FER: variants seen among roughly 807,000 people sequenced by gnomAD.
FER encodes tyrosine-protein kinase Fer.
In FER, 63 loss-of-function variants were observed where a neutral mutation model predicts 111.0. That is an observed-to-expected ratio of 0.57 (90% CI 0.46 to 0.70). The LOEUF (loss-of-function observed/expected upper bound fraction) is 0.70, where lower values mean the gene tolerates loss of function less well. Among genes scored for constraint, FER ranks in the 30% least tolerant of loss-of-function variants. The pLI is 0.00. For missense variants in FER, 914 were observed against 954.0 expected, an observed-to-expected ratio of 0.96 and a Z score of 0.55; for synonymous variants, 327 against 313.9, an observed-to-expected ratio of 1.04 and a Z score of -0.44.
chr5:108,844,836 T>G (rs2150165742), intron 5 of FER, among the ~76,000 whole-genome samples: 1 of 151,328 alleles, frequency 6.6e-6, no homozygotes, highest in East Asian at 2.0e-4. Flanking sequence ...CATGTATGAG[T>G]AATTCACTTT....
intron 16 of FER, among the ~76,000 whole-genome samples, chr5:109,069,144 T>C (rs1007151926): frequency 6.6e-6 from 1 of 152,164 alleles, no homozygotes; most frequent in Non-Finnish European, 1.5e-5. Flanking sequence ...AACCTTTAGA[T>C]TCTAGGGAAA....
chr5:108,879,700 AAATATAT>A (rs1218237672), intron 8 of FER, among the ~76,000 whole-genome samples: 12 of 119,328 alleles, frequency 1.0e-4, no homozygotes, highest in Admixed American at 4.7e-4. Context: ...GATTAAAAAA[AAATATAT>A]ATATATATAT....
chr5:108,893,017 A>G (rs1014159393), intron 9 of FER, among the ~76,000 whole-genome samples: 1 of 152,058 alleles, frequency 6.6e-6, no homozygotes, highest in Non-Finnish European at 1.5e-5. Flanking sequence ...GTTCTGTTCC[A>G]TTGGTCTACA....
chr5:108,992,999 C>T (rs556345518), intron 13 of FER, among the ~76,000 whole-genome samples: 1 of 150,712 alleles, frequency 6.6e-6, no homozygotes, highest in Non-Finnish European at 1.5e-5. Flanking sequence ...GGAAGAGGCG[C>T]TCCTCACTTC....
chr5:109,108,589 A>T (rs1431875341), intron 17 of FER, among the ~76,000 whole-genome samples: 1 of 152,140 alleles, frequency 6.6e-6, no homozygotes. Context: ...AGTCCATCCA[A>T]CAGGCAGGAG....
chr5:108,855,494 G>A (rs892384724), intron 5 of FER, among the ~76,000 whole-genome samples: 10 of 151,526 alleles, frequency 6.6e-5, no homozygotes, highest in South Asian at 2.1e-4. Flanking sequence ...GGTGGTGGGC[G>A]CCTGTAGTCC....
intron 16 of FER, among the ~76,000 whole-genome samples, chr5:109,054,992 A>T (rs936156107): frequency 6.6e-6 from 1 of 152,208 alleles, no homozygotes; most frequent in African/African-American, 2.4e-5. Flanking sequence ...GTAGCTTTAT[A>T]ATAAGTCTTG....
chr5:109,052,528 G>A (rs7702981), intron 16 of FER: 1 of 719,490 alleles, frequency 1.4e-6, no homozygotes, highest in East Asian at 2.5e-5. Flanking sequence ...CTTGGAGGAT[G>A]AAGTAAAATG....
intron 17 of FER, among the ~76,000 whole-genome samples, chr5:109,114,015 C>G (rs115315877): frequency 0.018 from 2,703 of 152,106 alleles, 73 homozygotes; most frequent in African/African-American, 0.061. Flanking sequence ...ATTGCCCTTA[C>G]GCTTTCTAAG....
chr5:108,879,795 C>T (rs1372363507), intron 8 of FER, among the ~76,000 whole-genome samples: 3 of 148,796 alleles, frequency 2.0e-5, no homozygotes, highest in African/African-American at 2.5e-5. Context: ...CTGTAACCTC[C>T]GCCTCTCAGG....
At chr5:108,831,352 G>A (rs772117325) in intron 3 of FER, among the ~76,000 whole-genome samples, 1 of 151,308 alleles carries the variant, frequency 6.6e-6, no homozygotes, top group Non-Finnish European at 1.5e-5. Context: ...GATGAAAAAG[G>A]CAAAGCTACA....
At chr5:108,758,421 C>T (rs953154621) in intron 1 of FER, among the ~76,000 whole-genome samples, 23 of 152,122 alleles carry the variant, frequency 1.5e-4, no homozygotes, top group African/African-American at 4.1e-4. Flanking sequence ...AGAATTTTCA[C>T]GATTCTTCAG....
At chr5:109,125,068 G>T (rs1247447052) in intron 17 of FER, among the ~76,000 whole-genome samples, 1 of 142,362 alleles carries the variant, frequency 7.0e-6, no homozygotes, top group East Asian at 2.0e-4. Context: ...AAAAAAAGAA[G>T]AAAGATAGAA....
At chr5:108,784,696 A>T (rs147065894) in intron 2 of FER, among the ~76,000 whole-genome samples, 1 of 152,192 alleles carries the variant, frequency 6.6e-6, no homozygotes, top group Admixed American at 6.5e-5. Flanking sequence ...TAGATTATAG[A>T]TTTACTAAAA....
intron 9 of FER, among the ~76,000 whole-genome samples, chr5:108,890,198 A>T (rs1747815120): frequency 6.6e-6 from 1 of 152,014 alleles, no homozygotes; most frequent in Admixed American, 6.6e-5. Context: ...ACCTTTTGGC[A>T]TTGGCTTTTT....
intron 10 of FER, among the ~76,000 whole-genome samples, chr5:108,927,226 A>T: frequency 2.0e-5 from 3 of 146,656 alleles, no homozygotes; most frequent in African/African-American, 5.1e-5. Context: ...CCCATATCCC[A>T]TGTAATTCAG....
At chr5:108,906,608 A>G (rs1750811891) in intron 10 of FER, among the ~76,000 whole-genome samples, 2 of 151,990 alleles carry the variant, frequency 1.3e-5, no homozygotes, top group South Asian at 2.1e-4. Flanking sequence ...CTCATACATT[A>G]TTAAAGTTTG....
At chr5:108,801,255 A>C (rs556712873) in intron 3 of FER, among the ~76,000 whole-genome samples, 2 of 152,348 alleles carry the variant, frequency 1.3e-5, no homozygotes, top group African/African-American at 4.8e-5. Flanking sequence ...TGTTGAAAAC[A>C]CTAAGCTTTC....
chr5:108,899,673 G>A (rs1322857246), intron 10 of FER, among the ~76,000 whole-genome samples: 1 of 151,832 alleles, frequency 6.6e-6, no homozygotes, highest in Non-Finnish European at 1.5e-5. Flanking sequence ...GTGTGGTGGT[G>A]TGTGCCTGTA....
Sources: allele counts gnomAD v4.1 joint callset (sites outside exome capture counted in the v4.1 genomes callset), GRCh38; gene constraint gnomAD v4.1.1; transcripts MANE v1.5; gene names NCBI Gene and HGNC (gene_info 2026-07-23, HGNC 2026-07-21).